The following PALM variants were observed in gnomAD, a reference collection of about 807,000 sequenced individuals.
PALM encodes the protein paralemmin, also known as paralemmin-1.
A neutral mutation model predicts 30.7 loss-of-function variants in PALM; 18 were observed. The ratio of observed to expected loss-of-function variants is 0.59; its 90% CI spans 0.41 to 0.87. The LOEUF is 0.87. Ranked by LOEUF, PALM falls within the 40% of genes least tolerant of loss-of-function variation. The pLI is 0.00. For missense variants in PALM, 529 were observed against 555.4 expected, an observed-to-expected ratio of 0.95 and a Z score of 0.48; for synonymous variants, 286 against 242.8, an observed-to-expected ratio of 1.18 and a Z score of -1.66.
intron 4 of PALM, among the ~76,000 whole-genome samples, chr19:728,983 AAC>A (rs2032782193): frequency 6.6e-6 from 1 of 151,372 alleles, no homozygotes; most frequent in Admixed American, 6.6e-5. Context: ...TGGCCTGGGC[AAC>A]AGAGTGAGAC....
intron 1 of PALM, among the ~76,000 whole-genome samples, chr19:711,639 ATG>A (rs1266908070): frequency 2.0e-5 from 3 of 152,122 alleles, no homozygotes; most frequent in Non-Finnish European, 2.9e-5. Flanking sequence ...TTCTTCCTCC[ATG>A]TTTCCGCTGT....
At chr19:729,500 C>T (rs1471864308) in intron 4 of PALM, among the ~76,000 whole-genome samples, 1 of 124,032 alleles carries the variant, frequency 8.1e-6, no homozygotes, top group Non-Finnish European at 1.6e-5. Flanking sequence ...GAGTCTCGCT[C>T]TGTCGCCCAG....
At chr19:723,060 G>A (rs967974678) in intron 1 of PALM, among the ~76,000 whole-genome samples, 9 of 152,150 alleles carry the variant, frequency 5.9e-5, no homozygotes, top group Non-Finnish European at 1.3e-4. Context: ...GTCTTGACCC[G>A]GAGCAGCCTC....
At position 709,461 on chromosome 19, in the gene PALM, C is replaced by T. The variant is rs1466087314; in HGVS notation, c.5+310C>T. Among the ~76,000 whole-genome samples the T allele has an allele frequency of 6.6e-6, 1 of 151,948 alleles. No individual in the cohort carries two copies. Among genetic ancestry groups the T allele is most frequent in the Non-Finnish European group, 1.5e-5 (1 of 67,908 alleles). On this transcript the variant is annotated intron_variant, in intron 1 of 8. Coordinates refer to ENST00000338448, the MANE Select transcript of PALM (RefSeq NM_002579.3). The surrounding 1 kb of genome is among the most constrained non-coding windows in gnomAD (Gnocchi z 4.3). ...CTCGCGTCTCCGCCCGCGCCCCGCC[C>T]GCGTCTCCAGGGCGAGCCTCGGCTC...
intron 1 of PALM, among the ~76,000 whole-genome samples, chr19:724,855 C>A (rs759728562): frequency 6.6e-6 from 1 of 151,956 alleles, no homozygotes; most frequent in Non-Finnish European, 1.5e-5. Flanking sequence ...AACTCCTGGG[C>A]TGGAGTAATC....
intron 5 of PALM, among the ~76,000 whole-genome samples, chr19:731,485 C>T (rs2144894071): frequency 6.6e-6 from 1 of 151,974 alleles, no homozygotes. Flanking sequence ...GCAGCCACCG[C>T]TGGGGGCATC....
intron 1 of PALM, among the ~76,000 whole-genome samples, chr19:710,274 T>A (rs2032028780): frequency 6.6e-6 from 1 of 152,126 alleles, no homozygotes; most frequent in African/African-American, 2.4e-5. Context: ...CCTCCCTCCC[T>A]CCCTGGGAAA....
chr19:720,769 C>A (rs1370731751), intron 1 of PALM, among the ~76,000 whole-genome samples: 1 of 152,178 alleles, frequency 6.6e-6, no homozygotes, highest in African/African-American at 2.4e-5. Context: ...CCAGACACTA[C>A]CGCCTTGTCT....
At chr19:714,717 A>G (rs937940209) in intron 1 of PALM, among the ~76,000 whole-genome samples, 9 of 151,936 alleles carry the variant, frequency 5.9e-5, no homozygotes, top group African/African-American at 1.7e-4. Flanking sequence ...AGGTGTGATC[A>G]TAGCTCACTG....
intron 4 of PALM, 33 bp from the exon 5 acceptor site, chr19:731,062 G>T (rs1442571949): frequency 2.0e-6 from 3 of 1,480,598 alleles, no homozygotes; most frequent in Non-Finnish European, 2.7e-6. Context: ...CGGGGATGCA[G>T]GAGTCACCCT....
rs374481450 is a variant in PALM at position 731,158 on chromosome 19, C to G, written c.333C>G (p.Asn111Lys). The change falls in exon 5 of 9, where the codon AAC (asparagine) becomes AAG (lysine). Residue 111 changes from asparagine to lysine, a missense_variant. Transcript: ENST00000338448. ...CCGCCCCAGCCACTGCCAAGGAGAA[C>G]GCGGCGGCCCCGAGCCCAGTCCGGG... ...GDSAPATAKE[N>K]AAAPSPVRAP... The G allele has an allele frequency of 6.2e-7, 1 of 1,608,364 alleles. No individual in the cohort carries two copies. Among genetic ancestry groups the G allele is most frequent in the Non-Finnish European group, 8.5e-7 (1 of 1,177,852 alleles).
intron 7 of PALM, among the ~76,000 whole-genome samples, chr19:739,169 G>C (rs2033113917): frequency 6.6e-6 from 1 of 152,140 alleles, no homozygotes; most frequent in African/African-American, 2.4e-5. Flanking sequence ...TGTGGAGTTA[G>C]GGCCCTGATG....
rs767421858 is a variant in PALM, at chr19:746,319, G to A, written c.669G>A (p.Gly223=). ...VHAVDGTAEN[G]IHPLSSSEVD... ...CTGTGGACGGCACCGCCGAGAACGG[G>A]ATCCACCCCCTGAGCTCCTCCGAGG... The change falls in exon 9 of 9, where the codon GGG becomes GGA. Residue 223 remains glycine (G), a synonymous_variant. Coordinates refer to ENST00000338448, the MANE Select transcript of PALM (RefSeq NM_002579.3). The surrounding 1 kb of genome is among the most constrained non-coding windows in gnomAD (Gnocchi z 7.1). 8 of 1,613,502 alleles carry A rather than the reference G, an allele frequency of 5.0e-6. No individual in the cohort carries two copies. Among genetic ancestry groups the A allele is most frequent in the Middle Eastern group, 1.6e-4 (1 of 6,084 alleles).
intron 1 of PALM, chr19:719,132 C>A (rs1165273509): frequency 2.0e-6 from 2 of 985,202 alleles, no homozygotes; most frequent in Non-Finnish European, 2.4e-6. Flanking sequence ...CGGGCAGGGA[C>A]CCCCTCGTTC....
chr19:727,746 C>A, intron 4 of PALM, 52 bp downstream of exon 4: 1 of 1,480,320 alleles, frequency 6.8e-7, no homozygotes, highest in South Asian at 1.3e-5. Flanking sequence ...TCGGGGGCCG[C>A]TGGCTCCCGG....
intron 4 of PALM, among the ~76,000 whole-genome samples, chr19:729,210 C>T (rs2032788133): frequency 6.6e-6 from 1 of 151,292 alleles, no homozygotes; most frequent in South Asian, 2.1e-4. Context: ...CCTGTAATCC[C>T]AGCTACTGGG....
chr19:739,714 G>A (rs1014409883), intron 7 of PALM, among the ~76,000 whole-genome samples: 24 of 152,066 alleles, frequency 1.6e-4, no homozygotes, highest in African/African-American at 5.1e-4. Flanking sequence ...GGTGGCTCAC[G>A]CCTGTAATCC....
chr19:726,369 C>T (rs756661732), intron 2 of PALM, among the ~76,000 whole-genome samples, 180 bp downstream of exon 2: 11 of 152,150 alleles, frequency 7.2e-5, no homozygotes, highest in South Asian at 4.1e-4. Flanking sequence ...CCCCCTGAGT[C>T]GGCAGCTCCT....
At chr19:723,181 A>G (rs934107088) in intron 1 of PALM, among the ~76,000 whole-genome samples, 5 of 152,074 alleles carry the variant, frequency 3.3e-5, no homozygotes, top group African/African-American at 9.7e-5. Context: ...TTAGAGCTGC[A>G]GGCATCTGTG....
Sources: allele counts gnomAD v4.1 joint callset (sites outside exome capture counted in the v4.1 genomes callset), GRCh38; gene constraint gnomAD v4.1.1; non-coding constraint Gnocchi (gnomAD v3.1); transcripts MANE v1.5; gene names NCBI Gene and HGNC (gene_info 2026-07-23, HGNC 2026-07-21).